The following SAMD12 variants were observed in gnomAD, a reference collection of about 807,000 sequenced individuals.
SAMD12 encodes the protein sterile alpha motif domain containing 12, also known as sterile alpha motif domain-containing protein 12.
SAMD12 carries 9 observed loss-of-function variants against 15.0 expected under a neutral mutation model. The ratio of observed to expected loss-of-function variants is 0.60; its 90% CI spans 0.36 to 1.05. SAMD12 has a LOEUF of 1.05. Among genes scored for constraint, SAMD12 ranks in the 50% least tolerant of loss-of-function variants. The pLI is 0.01. For missense variants in SAMD12, 230 were observed against 234.2 expected, an observed-to-expected ratio of 0.98 and a Z score of 0.12; for synonymous variants, 86 against 90.1, an observed-to-expected ratio of 0.96 and a Z score of 0.25.
chr8:118,429,324 C>T lies in SAMD12; in HGVS notation c.322+10508G>A, dbSNP rs189262928. ...ACCAGCATGAAGGTCAAAGGAAATG[C>T]TCACTGCAGTACTTCAGATTTTAAA... On this transcript the variant is annotated intron_variant, in intron 3 of 3. Transcript: ENST00000314727. 2.6e-5 allele frequency among the ~76,000 whole-genome samples: 4 copies of T among 152,292 alleles called. No individual in the cohort carries two copies. The East Asian group carries it at 7.7e-4, about 29-fold the overall frequency.
intron 4 of SAMD12, among the ~76,000 whole-genome samples, chr8:118,283,150 T>C (rs554587375): frequency 4.6e-5 from 7 of 152,312 alleles, no homozygotes; most frequent in African/African-American, 1.7e-4. Context: ...TTTATTATAC[T>C]TTAAGTTTTA....
At chr8:118,137,443 G>T in the SAMD12 span, among the ~76,000 whole-genome samples, 7 of 152,180 alleles carry the variant, frequency 4.6e-5, no homozygotes, top group African/African-American at 7.2e-5. Context: ...ACTTAGGCAT[G>T]GAAAGTTGGG....
intron 3 of SAMD12, among the ~76,000 whole-genome samples, chr8:118,439,288 T>C (rs1413909838): frequency 1.3e-5 from 2 of 152,162 alleles, no homozygotes; most frequent in African/African-American, 4.8e-5. Flanking sequence ...CTTGGAACAT[T>C]GCTAGGTGCA....
Position 118,454,540 on chromosome 8 carries a change from C to G in SAMD12, c.193-14579G>C, listed in dbSNP as rs528898594. Among the ~76,000 whole-genome samples, 11 of 152,302 alleles carry G rather than the reference C, an allele frequency of 7.2e-5. No individual in the cohort carries two copies. The South Asian group carries it at 2.3e-3, about 32-fold the overall frequency. On this transcript the variant is annotated intron_variant, in intron 2 of 3. Coordinates refer to ENST00000314727, the MANE Select transcript of SAMD12 (RefSeq NM_207506.3). Reference sequence around the variant, plus strand: ...AAGTATATTCCCTACTCTGTTTACTCTGCTCTCTTTTCTAGAATGTCTATT... The same window carrying G: ...AAGTATATTCCCTACTCTGTTTACTGTGCTCTCTTTTCTAGAATGTCTATT...
At chr8:118,586,671 G>C (rs1386195260) in intron 1 of SAMD12, among the ~76,000 whole-genome samples, 1 of 152,092 alleles carries the variant, frequency 6.6e-6, no homozygotes, top group Non-Finnish European at 1.5e-5. Flanking sequence ...ATCTGTATGT[G>C]TGTGTATGTA....
chr8:118,409,630 A>G (rs577339183), intron 3 of SAMD12, among the ~76,000 whole-genome samples: 1 of 152,130 alleles, frequency 6.6e-6, no homozygotes, highest in Non-Finnish European at 1.5e-5. Context: ...GAGGTGATAA[A>G]TCCACAGGCT....
chr8:118,208,884 C>T (rs893456290), intron 4 of SAMD12, among the ~76,000 whole-genome samples: 1 of 152,152 alleles, frequency 6.6e-6, no homozygotes, highest in African/African-American at 2.4e-5. Context: ...TACTCTTGTT[C>T]TCACTCTCCT....
chr8:118,232,032 G>C (rs1343463779), intron 4 of SAMD12, among the ~76,000 whole-genome samples: 1 of 152,168 alleles, frequency 6.6e-6, no homozygotes, highest in Non-Finnish European at 1.5e-5. Context: ...CTGCCTATCT[G>C]TTCACTTGCC....
At chr8:118,335,768 T>C (rs1450931097) in intron 4 of SAMD12, among the ~76,000 whole-genome samples, 1 of 152,176 alleles carries the variant, frequency 6.6e-6, no homozygotes, top group Non-Finnish European at 1.5e-5. Context: ...GTATTTTGTT[T>C]TGGGACAGGG....
chr8:118,319,748 T>C (rs1816134058), intron 4 of SAMD12, among the ~76,000 whole-genome samples: 1 of 152,084 alleles, frequency 6.6e-6, no homozygotes, highest in African/African-American at 2.4e-5. Flanking sequence ...TCCTGAGTGA[T>C]CAGGAAGAGG....
At chr8:118,363,476 C>G (rs1818606621) in intron 4 of SAMD12, among the ~76,000 whole-genome samples, 1 of 152,130 alleles carries the variant, frequency 6.6e-6, no homozygotes, top group Admixed American at 6.6e-5. Flanking sequence ...AGCTGAGACA[C>G]TGGGTTTTTT....
intron 3 of SAMD12, among the ~76,000 whole-genome samples, chr8:118,410,197 A>C (rs1401302288): frequency 6.6e-6 from 1 of 152,200 alleles, no homozygotes; most frequent in African/African-American, 2.4e-5. Flanking sequence ...AACTGTTTAC[A>C]CACTGGGATG....
chr8:118,197,809 T>C (rs1819610086), intron 4 of SAMD12: 1 of 1,295,168 alleles, frequency 7.7e-7, no homozygotes, highest in South Asian at 1.2e-5. Flanking sequence ...GCAATTATCT[T>C]ATTCAAACAA....
chr8:118,160,337 C>T, the SAMD12 span, among the ~76,000 whole-genome samples: 2 of 151,946 alleles, frequency 1.3e-5, no homozygotes, highest in African/African-American at 4.8e-5. Context: ...CAATGCAATC[C>T]CAGTGAAAAT....
chr8:118,310,731 A>C (rs1019299694), intron 4 of SAMD12, among the ~76,000 whole-genome samples: 2 of 152,176 alleles, frequency 1.3e-5, no homozygotes, highest in Non-Finnish European at 2.9e-5. Flanking sequence ...TCATTTCTAG[A>C]ATGCCAGCAA....
the SAMD12 span, among the ~76,000 whole-genome samples, chr8:118,149,364 G>A: frequency 6.6e-6 from 1 of 152,138 alleles, no homozygotes; most frequent in Non-Finnish European, 1.5e-5. Flanking sequence ...GCTCATTGTG[G>A]TTTTGTGTAT....
chr8:118,329,560 C>T (rs916830269), intron 4 of SAMD12, among the ~76,000 whole-genome samples: 2 of 152,092 alleles, frequency 1.3e-5, no homozygotes, highest in Admixed American at 6.6e-5. Flanking sequence ...TCTCCATCTA[C>T]GATTATCACT....
intron 2 of SAMD12, among the ~76,000 whole-genome samples, chr8:118,569,920 A>G (rs531307266): frequency 1.3e-5 from 2 of 152,378 alleles, no homozygotes; most frequent in African/African-American, 2.4e-5. Context: ...TTTCTAATCC[A>G]TACAGCCTTG....
chr8:118,205,146 C>T (rs1437521734), intron 4 of SAMD12, among the ~76,000 whole-genome samples: 2 of 152,198 alleles, frequency 1.3e-5, no homozygotes, highest in African/African-American at 4.8e-5. Context: ...GCCTGACTGC[C>T]ATCTCCTGCC....
Sources: gnomAD v4.1 joint callset for allele counts (sites outside exome capture counted in the v4.1 genomes callset) on GRCh38, gnomAD v4.1.1 for gene constraint, MANE v1.5 for transcripts, NCBI Gene and HGNC (gene_info 2026-07-23, HGNC 2026-07-21) for gene names.